Variants in SLC6A2 observed in about 807,000 individuals in gnomAD.
The protein encoded by SLC6A2 is solute carrier family 6 member 2.
A neutral mutation model predicts 71.7 loss-of-function variants in SLC6A2; 26 were observed. The observed-to-expected ratio is 0.36, with a 90% confidence interval of 0.27 to 0.50. The LOEUF is 0.50. SLC6A2 is among the 20% of genes least tolerant of loss of function. The probability of loss-of-function intolerance (pLI) is 0.96; values close to 1 mark genes in which losing one functional copy is unlikely to be tolerated. For synonymous variants in SLC6A2, 363 were observed against 337.9 expected (o/e 1.07, Z -0.82); for missense variants, 581 against 803.9 (o/e 0.72, Z 3.35).
At chr16:55,697,089 T>C (rs766682272) in intron 9 of SLC6A2, among the ~76,000 whole-genome samples, 3 of 152,216 alleles carry the variant, frequency 2.0e-5, no homozygotes, top group Non-Finnish European at 4.4e-5. Context: ...CTGACATCTT[T>C]TTAAATCTAT....
Position 55,702,320 on chromosome 16 carries a change from C to G in SLC6A2, c.1831-3C>G. 1 of 1,614,106 alleles carries G rather than the reference C, an allele frequency of 6.2e-7. No homozygotes were observed. The highest frequency in any genetic ancestry group is 8.5e-7 in the Non-Finnish European group (1 of 1,179,940). On this transcript the variant is annotated splice_region_variant and splice_polypyrimidine_tract_variant and intron_variant, in intron 14 of 14. Transcript: ENST00000568943. ...ATCAAGTCCTCGCTGTCTTTCTCTG[C>G]AGTTGCAACACTGGCTGGCCATCTG...
intron 3 of SLC6A2, among the ~76,000 whole-genome samples, chr16:55,670,367 G>A (rs1426900528): frequency 6.6e-6 from 1 of 152,124 alleles, no homozygotes; most frequent in Non-Finnish European, 1.5e-5. Flanking sequence ...CAGTCCTGTG[G>A]GAGATACAGC....
chr16:55,665,959 C>T (rs558461915), intron 2 of SLC6A2, among the ~76,000 whole-genome samples: 14 of 152,342 alleles, frequency 9.2e-5, no homozygotes, highest in Non-Finnish European at 1.6e-4. Context: ...TTCTTTTTCT[C>T]ATGTGGTTGT....
In SLC6A2 at chr16:55,691,960, G is replaced by C. The variant is rs770612314; in HGVS notation, c.826G>C (p.Val276Leu). ...CACGCTGCCTTACTTCGTGCTGTTCGTGCTCCTGGTCCATGGCGTCACGCT... is the reference window on the plus strand; with the variant it reads ...CACGCTGCCTTACTTCGTGCTGTTCCTGCTCCTGGTCCATGGCGTCACGCT... The part of the protein sequence containing the change: ...TATLPYFVLF[V>L]LLVHGVTLPG... The change falls in exon 6 of 15, where the codon GTG becomes CTG. Residue 276 changes from valine to leucine, a missense_variant. Around this residue, in one of 5 missense-constraint regions of SLC6A2, gnomAD observed 334 missense variants for 449.0 expected, o/e 0.74. Transcript: ENST00000568943. 2 of 1,614,014 alleles carry C rather than the reference G, an allele frequency of 1.2e-6. No homozygotes were observed. Among genetic ancestry groups the C allele is most frequent in the East Asian group, 2.2e-5 (1 of 44,878 alleles).
At chr16:55,669,023 T>C (rs1362687613) in intron 2 of SLC6A2, among the ~76,000 whole-genome samples, 1 of 152,106 alleles carries the variant, frequency 6.6e-6, no homozygotes, top group Non-Finnish European at 1.5e-5. Flanking sequence ...CTAAGAAGAA[T>C]CCAGTGAGAT....
chr16:55,705,046 G>T lies in SLC6A2; in HGVS notation c.*2700G>T. 1 of 523,266 alleles carries T rather than the reference G, an allele frequency of 1.9e-6. No homozygotes were observed. Among genetic ancestry groups the T allele is most frequent in the Non-Finnish European group, 3.3e-6 (1 of 298,886 alleles). 32.4% of individuals were successfully genotyped at this position (523,266 alleles called of 1,614,324 possible). A position where few individuals can be genotyped will look rare whatever the true frequency, so the allele number is the denominator to read the frequency against. On this transcript the variant is annotated 3_prime_UTR_variant, in exon 15 of 15. Transcript: ENST00000568943. ...TTGTTTTTAATAGCAGAGGTCACCC[G>T]GGACAAGGGTGCTGTGTACTGTATA...
At chr16:55,675,398 T>C (rs1965054162) in intron 4 of SLC6A2, among the ~76,000 whole-genome samples, 1 of 152,234 alleles carries the variant, frequency 6.6e-6, no homozygotes, top group African/African-American at 2.4e-5. Context: ...CTTAAGATCA[T>C]AGAGTAAATA....
At chr16:55,660,900 G>C (rs1283166654) in intron 2 of SLC6A2, among the ~76,000 whole-genome samples, 1 of 152,204 alleles carries the variant, frequency 6.6e-6, no homozygotes, top group Non-Finnish European at 1.5e-5. Flanking sequence ...GATGAAGGTG[G>C]CAATGGTTTA....
chr16:55,693,912 C>T, intron 6 of SLC6A2, 98 bp from the exon 7 acceptor site: 1 of 850,168 alleles, frequency 1.2e-6, no homozygotes, highest in Non-Finnish European at 2.1e-6. Context: ...TTCCTCTGGT[C>T]TCAGAGCATC....
At chr16:55,680,487 G>A (rs906577630) in intron 4 of SLC6A2, among the ~76,000 whole-genome samples, 1 of 152,198 alleles carries the variant, frequency 6.6e-6, no homozygotes, top group Admixed American at 6.5e-5. Flanking sequence ...TCCAGCATGG[G>A]AGTAAGATGC....
At chr16:55,696,591 C>A (rs1965807288) in intron 9 of SLC6A2, among the ~76,000 whole-genome samples, 1 of 152,214 alleles carries the variant, frequency 6.6e-6, no homozygotes, top group Admixed American at 6.5e-5. Context: ...GATAAGCCAG[C>A]CCCACACTGT....
At chr16:55,664,742 A>G (rs369451712) in intron 2 of SLC6A2, among the ~76,000 whole-genome samples, 10 of 152,340 alleles carry the variant, frequency 6.6e-5, no homozygotes, top group Admixed American at 3.3e-4. Context: ...TAGACAAGTC[A>G]CATAGCTACA....
chr16:55,671,706 C>T, intron 3 of SLC6A2: 1 of 787,354 alleles, frequency 1.3e-6, no homozygotes, highest in Non-Finnish European at 2.0e-6. Flanking sequence ...TAACTAACGC[C>T]TGATGACCTG....
chr16:55,675,574 C>T (rs1965060317), intron 4 of SLC6A2, among the ~76,000 whole-genome samples: 1 of 152,170 alleles, frequency 6.6e-6, no homozygotes, highest in Admixed American at 6.5e-5. Flanking sequence ...TGCAAGATTT[C>T]CCAATAAAAC....
intron 4 of SLC6A2, among the ~76,000 whole-genome samples, chr16:55,683,180 G>A (rs1306462472): frequency 6.6e-6 from 1 of 152,148 alleles, no homozygotes; most frequent in Non-Finnish European, 1.5e-5. Flanking sequence ...CCTTTCCTTA[G>A]CTCCTAACCA....
intron 4 of SLC6A2, among the ~76,000 whole-genome samples, chr16:55,674,901 A>G (rs184804151): frequency 2.2e-3 from 330 of 152,248 alleles, no homozygotes; most frequent in Middle Eastern, 3.4e-3. Flanking sequence ...TGGTGGTTCT[A>G]TTTTTAGTTC....
At chr16:55,668,915 A>G (rs1964826093) in intron 2 of SLC6A2, among the ~76,000 whole-genome samples, 2 of 152,172 alleles carry the variant, frequency 1.3e-5, no homozygotes, top group African/African-American at 4.8e-5. Flanking sequence ...CAGCAGCACC[A>G]AAAGGAGCCA....
At chr16:55,687,034 C>T (rs1456542505) in intron 5 of SLC6A2, among the ~76,000 whole-genome samples, 1 of 152,172 alleles carries the variant, frequency 6.6e-6, no homozygotes, top group Non-Finnish European at 1.5e-5. Context: ...CAGGTTCCTT[C>T]TTCAATTGCT....
intron 3 of SLC6A2, among the ~76,000 whole-genome samples, chr16:55,670,378 T>A (rs1252774764): frequency 6.6e-6 from 1 of 152,216 alleles, no homozygotes; most frequent in Non-Finnish European, 1.5e-5. Context: ...GAGATACAGC[T>A]GGTGCAAGAG....
Sources: gnomAD v4.1 joint callset for allele counts (sites outside exome capture counted in the v4.1 genomes callset) on GRCh38, gnomAD v4.1.1 for gene constraint, gnomAD v4.1.1 regional missense constraint, MANE v1.5 for transcripts, NCBI Gene and HGNC (gene_info 2026-07-23, HGNC 2026-07-21) for gene names.